Variants in FRMD4B observed in about 807,000 individuals in gnomAD.
FRMD4B encodes FERM domain containing 4B, also known as FERM domain-containing protein 4B.
FRMD4B carries 74 observed loss-of-function variants against 141.5 expected under a neutral mutation model. That is an observed-to-expected ratio of 0.52 (90% confidence interval 0.43 to 0.63). The LOEUF (loss-of-function observed/expected upper bound fraction) is 0.63. Ranked by LOEUF, FRMD4B falls within the 30% of genes least tolerant of loss-of-function variation. The probability of loss-of-function intolerance (pLI) is 0.00; values close to 1 mark genes in which losing one functional copy is unlikely to be tolerated. For synonymous variants in FRMD4B, 506 were observed against 467.9 expected, an observed-to-expected ratio of 1.08 and a Z score of -1.05; for missense variants, 1,366 against 1,253.4, an observed-to-expected ratio of 1.09 and a Z score of -1.36.
chr3:69,463,507 C>A (rs989668729), intron 1 of FRMD4B, among the ~76,000 whole-genome samples: 8 of 152,156 alleles, frequency 5.3e-5, no homozygotes, highest in African/African-American at 1.7e-4. Flanking sequence ...AAGCAATGAC[C>A]TCAGTGCATT....
chr3:69,261,376 C>A (rs550288376), intron 5 of FRMD4B, among the ~76,000 whole-genome samples: 1 of 152,316 alleles, frequency 6.6e-6, no homozygotes, highest in East Asian at 1.9e-4. Flanking sequence ...TCTGGACACA[C>A]TATTATCTGA....
intron 1 of FRMD4B, among the ~76,000 whole-genome samples, chr3:69,343,539 C>A (rs1454937726): frequency 6.6e-6 from 1 of 150,630 alleles, no homozygotes; most frequent in Non-Finnish European, 1.5e-5. Flanking sequence ...ATTAATTAAA[C>A]TCCACTACTT....
chr3:69,392,713 G>A (rs1704405637), intron 2 of FRMD4B, among the ~76,000 whole-genome samples: 1 of 152,142 alleles, frequency 6.6e-6, no homozygotes, highest in Non-Finnish European at 1.5e-5. Flanking sequence ...CTCAAAGCAA[G>A]CTTCTCTTGT....
intron 18 of FRMD4B, among the ~76,000 whole-genome samples, 180 bp downstream of exon 18, chr3:69,189,716 G>A (rs897751807): frequency 6.6e-6 from 1 of 152,124 alleles, no homozygotes; most frequent in African/African-American, 2.4e-5. Flanking sequence ...TTAACGCTGA[G>A]TTAACCTGAG....
intron 2 of FRMD4B, among the ~76,000 whole-genome samples, chr3:69,422,381 T>C (rs993487982): frequency 1.1e-5 from 1 of 93,810 alleles, no homozygotes; most frequent in Non-Finnish European, 2.4e-5. Context: ...AGCGAGACTC[T>C]GAAAAAAAAA....
intron 1 of FRMD4B, among the ~76,000 whole-genome samples, chr3:69,511,017 A>T (rs1706677502): frequency 6.6e-6 from 1 of 152,218 alleles, no homozygotes; most frequent in Non-Finnish European, 1.5e-5. Flanking sequence ...TACTTTATTA[A>T]GCTCATAAAG....
At chr3:69,283,221 T>TA (rs1381060882) in intron 5 of FRMD4B, among the ~76,000 whole-genome samples, 8 of 151,626 alleles carry the variant, frequency 5.3e-5, no homozygotes, top group Non-Finnish European at 8.8e-5. Context: ...CCATCTCTAC[T>TA]AAAAATACAA....
At position 69,170,792 on chromosome 3, in the gene FRMD4B, T is replaced by C. The variant is rs534408869; in HGVS notation, c.*1069A>G. Reference sequence around the variant, plus strand: ...AAATCCACTGCAGCTTGGAGCTTTTTGTCGTTGTTGTTGTTTTTCTTTTTT... The same window carrying C: ...AAATCCACTGCAGCTTGGAGCTTTTCGTCGTTGTTGTTGTTTTTCTTTTTT... On this transcript the variant is annotated 3_prime_UTR_variant, in exon 23 of 23. Coordinates refer to ENST00000398540, the MANE Select transcript of FRMD4B (RefSeq NM_015123.3). The C allele has an allele frequency of 6.6e-6, 1 of 152,334 alleles. No individual in the cohort carries two copies. The highest frequency in any genetic ancestry group is 2.1e-4 in the South Asian group (1 of 4,832). 9.4% of individuals were successfully genotyped at this position (152,334 alleles called of 1,614,324 possible).
rs113582561 is a variant in FRMD4B, at chr3:69,212,032, C to CAA, written c.876+4229_876+4230dup. On this transcript the variant is annotated intron_variant, in intron 11 of 22. Coordinates refer to ENST00000398540, the MANE Select transcript of FRMD4B (RefSeq NM_015123.3). ...ACAATGGCACAGAGTAGACACCCCCCAAAAAAAAAAACGGAGAAAGAGAAG... is the reference window on the plus strand; with the variant it reads ...ACAATGGCACAGAGTAGACACCCCCCAAAAAAAAAAAAACGGAGAAAGAGAAG... 3.1e-3 allele frequency among the ~76,000 whole-genome samples: 437 copies of CAA among 142,072 alleles called. 13 individuals carry two copies. The East Asian group carries it at 0.071, about 23-fold the overall frequency. 93.2% of individuals were successfully genotyped at this position (142,072 alleles called of 152,430 possible).
At position 69,509,170 on chromosome 3, in the gene FRMD4B, G is replaced by A. The variant is rs534481448; in HGVS notation, c.-129+33036C>T. Among the ~76,000 whole-genome samples the A allele has an allele frequency of 1.1e-3, 165 of 152,196 alleles. 1 individual carries two copies. Among genetic ancestry groups the A allele is most frequent in the African/African-American group, 3.8e-3 (159 of 41,520 alleles). Reference sequence around the variant, plus strand: ...AGAATGACATCTCTCCAGGCCAGACGGTGAAGCAAGCTCTATGACACAGGT... The same window carrying A: ...AGAATGACATCTCTCCAGGCCAGACAGTGAAGCAAGCTCTATGACACAGGT... On this transcript the variant is annotated intron_variant, in intron 1 of 5. Transcript: ENST00000459638.
chr3:69,192,807 TTTTTAA>T (rs1340301019), intron 17 of FRMD4B, among the ~76,000 whole-genome samples: 1 of 152,124 alleles, frequency 6.6e-6, no homozygotes, highest in Non-Finnish European at 1.5e-5. Context: ...ATATCTTTAT[TTTTTAA>T]TTTTGTTCAC....
intron 1 of FRMD4B, among the ~76,000 whole-genome samples, chr3:69,444,462 G>A (rs751198597): frequency 2.0e-5 from 3 of 152,126 alleles, no homozygotes; most frequent in African/African-American, 4.8e-5. Flanking sequence ...TATCAGAAGT[G>A]TTGTGATTAT....
intron 1 of FRMD4B, among the ~76,000 whole-genome samples, chr3:69,467,851 A>G (rs1705820190): frequency 6.6e-6 from 1 of 152,180 alleles, no homozygotes; most frequent in Non-Finnish European, 1.5e-5. Context: ...AAATACTAAA[A>G]AGGAGGGTGC....
At chr3:69,456,996 TAGG>T (rs1379542336) in intron 1 of FRMD4B, among the ~76,000 whole-genome samples, 1 of 152,174 alleles carries the variant, frequency 6.6e-6, no homozygotes, top group Non-Finnish European at 1.5e-5. Context: ...CTTTAAATGG[TAGG>T]AGTTCGTTTT....
In FRMD4B at chr3:69,181,228, G is replaced by A; in HGVS notation, c.2522C>T (p.Ser841Phe). The A allele has an allele frequency of 6.2e-7, 1 of 1,613,884 alleles. No homozygotes were observed. The highest frequency in any genetic ancestry group is 8.5e-7 in the Non-Finnish European group (1 of 1,179,808). The change falls in exon 21 of 23, where the codon TCC becomes TTC. Residue 841 changes from serine (S) to phenylalanine (F), a missense_variant. Coordinates refer to ENST00000398540, the MANE Select transcript of FRMD4B (RefSeq NM_015123.3). ...GQYSVNPSYRSSAHYGYERQR... is the reference protein window; with the variant it reads ...GQYSVNPSYRFSAHYGYERQR... Reference sequence around the variant, plus strand: ...GCGCTCATATCCATAGTGGGCTGAGGACCGGTAGGAAGGGTTGACACTATA... The same window carrying A: ...GCGCTCATATCCATAGTGGGCTGAGAACCGGTAGGAAGGGTTGACACTATA...
At chr3:69,279,365 T>G (rs948554922) in intron 5 of FRMD4B, among the ~76,000 whole-genome samples, 9 of 152,224 alleles carry the variant, frequency 5.9e-5, no homozygotes, top group Admixed American at 5.2e-4. Flanking sequence ...CAGTTCCTTA[T>G]TTGTTGAAGT....
chr3:69,318,632 A>C (rs1701884489), intron 1 of FRMD4B, among the ~76,000 whole-genome samples: 1 of 152,248 alleles, frequency 6.6e-6, no homozygotes. Flanking sequence ...CAGGGGGCTG[A>C]TTTGATGCTC....
intron 21 of FRMD4B, 46 bp downstream of exon 21, chr3:69,180,853 G>T (rs750160825): frequency 7.4e-7 from 1 of 1,355,318 alleles, no homozygotes; most frequent in Non-Finnish European, 1.0e-6. Context: ...CAGGAAACAC[G>T]ATGTAAATAA....
intron 1 of FRMD4B, among the ~76,000 whole-genome samples, chr3:69,459,172 T>C (rs552706225): frequency 1.3e-5 from 2 of 152,360 alleles, no homozygotes; most frequent in African/African-American, 4.8e-5. Context: ...TTTAACTTCA[T>C]AGTTTTATTA....
Sources: allele counts gnomAD v4.1 joint callset (sites outside exome capture counted in the v4.1 genomes callset), GRCh38; gene constraint gnomAD v4.1.1; transcripts MANE v1.5; gene names NCBI Gene and HGNC (gene_info 2026-07-23, HGNC 2026-07-21).